The following TCF4 variants were observed in gnomAD, a reference collection of about 807,000 sequenced individuals.
TCF4 encodes SL3-3 enhancer factor 2.
In TCF4, 3 loss-of-function variants were observed where a neutral mutation model predicts 82.1. The observed-to-expected ratio is 0.04, with a 90% CI of 0.02 to 0.09. The LOEUF (loss-of-function observed/expected upper bound fraction) is 0.09. TCF4 is among the 10% of genes least tolerant of loss of function. The probability of loss-of-function intolerance (pLI) is 1.00; values close to 1 mark genes in which losing one functional copy is unlikely to be tolerated. For synonymous variants in TCF4, 276 were observed against 309.6 expected, an observed-to-expected ratio of 0.89 and a Z score of 1.14; for missense variants, 518 against 852.7, an observed-to-expected ratio of 0.61 and a Z score of 4.89.
At chr18:55,370,783 G>T (rs1035497417) in intron 6 of TCF4, among the ~76,000 whole-genome samples, 1 of 152,166 alleles carries the variant, frequency 6.6e-6, no homozygotes, top group African/African-American at 2.4e-5. Context: ...AACTAAAAAG[G>T]TGTGGGGGTG....
upstream of TCF4, chr18:55,589,482 A>G: frequency 9.5e-7 from 1 of 1,055,720 alleles, no homozygotes; most frequent in Non-Finnish European, 1.1e-6. Context: ...TGGTTTTTGC[A>G]TTTTCCACCA....
At chr18:55,272,713 C>A (rs150754526) in intron 10 of TCF4, among the ~76,000 whole-genome samples, 1 of 152,016 alleles carries the variant, frequency 6.6e-6, no homozygotes, top group Non-Finnish European at 1.5e-5. Context: ...GCTGTGGAGG[C>A]TCTCCCATAC....
intron 3 of TCF4, among the ~76,000 whole-genome samples, chr18:55,575,885 C>T (rs577352281): frequency 6.8e-4 from 104 of 152,248 alleles, no homozygotes; most frequent in Non-Finnish European, 1.1e-3. Context: ...GCTAAGATCA[C>T]GGTATCTCCG....
chr18:55,463,128 T>C (rs1189474915), intron 4 of TCF4, among the ~76,000 whole-genome samples: 1 of 152,162 alleles, frequency 6.6e-6, no homozygotes, highest in Non-Finnish European at 1.5e-5. Context: ...AAGGAAGACA[T>C]GCTGGTTTTA....
At chr18:55,350,249 T>A (rs977396567) in intron 8 of TCF4, 110 bp downstream of exon 8, 1 of 1,163,248 alleles carries the variant, frequency 8.6e-7, no homozygotes, top group African/African-American at 1.5e-5. Context: ...ACCTTCTAGA[T>A]AAACGTGCTG....
At chr18:55,456,548 C>T (rs901923681) in intron 5 of TCF4, among the ~76,000 whole-genome samples, 1 of 152,200 alleles carries the variant, frequency 6.6e-6, no homozygotes. Flanking sequence ...CTCAATCTAG[C>T]TTTCAATCGA....
chr18:55,557,784 C>T (rs77333968), intron 3 of TCF4, among the ~76,000 whole-genome samples: 1 of 152,176 alleles, frequency 6.6e-6, no homozygotes, highest in African/African-American at 2.4e-5. Context: ...TTTTTAAATG[C>T]AGATACAACA....
chr18:55,476,912 A>C (rs1186071091), intron 3 of TCF4, among the ~76,000 whole-genome samples: 6 of 152,162 alleles, frequency 3.9e-5, no homozygotes, highest in Admixed American at 3.9e-4. Flanking sequence ...TGGGCTTATA[A>C]ATGTGTGTGT....
intron 3 of TCF4, among the ~76,000 whole-genome samples, chr18:55,514,163 T>C (rs551231569): frequency 1.3e-5 from 2 of 152,256 alleles, no homozygotes; most frequent in Admixed American, 1.3e-4. Flanking sequence ...ATTTCTACTG[T>C]ATCTTTTCCC....
At chr18:55,513,611 C>T (rs1311820193) in intron 3 of TCF4, among the ~76,000 whole-genome samples, 3 of 151,988 alleles carry the variant, frequency 2.0e-5, no homozygotes, top group Non-Finnish European at 4.4e-5. Flanking sequence ...ACAAATGCAT[C>T]CTTCAGTTTG....
intron 6 of TCF4, chr18:55,351,704 T>C (rs1213309892): frequency 5.4e-6 from 2 of 372,734 alleles, no homozygotes; most frequent in Admixed American, 1.3e-4. Flanking sequence ...CAATAACCTA[T>C]CACAGTGTGA....
intron 5 of TCF4, among the ~76,000 whole-genome samples, chr18:55,416,875 T>A (rs968312731): frequency 6.6e-6 from 1 of 152,234 alleles, no homozygotes; most frequent in Non-Finnish European, 1.5e-5. Flanking sequence ...GGTCACTCTC[T>A]TAAGGGGAAT....
At chr18:55,489,500 G>A (rs1367112051) in intron 3 of TCF4, among the ~76,000 whole-genome samples, 2 of 151,968 alleles carry the variant, frequency 1.3e-5, no homozygotes, top group Admixed American at 6.6e-5. Flanking sequence ...CAAGAAAAGT[G>A]GACCCACAGT....
chr18:55,588,308 A>G (rs2097672666), upstream of TCF4: 1 of 1,450,668 alleles, frequency 6.9e-7, no homozygotes, highest in Non-Finnish European at 9.0e-7. Context: ...TTGCAAGTTC[A>G]GCAAAGAAAT....
chr18:55,229,653 G>A (rs1311535876), intron 17 of TCF4: 2 of 156,868 alleles, frequency 1.3e-5, no homozygotes, highest in African/African-American at 4.8e-5. Flanking sequence ...TGAAGACAGT[G>A]AGGCTTTTAT....
chr18:55,409,898 T>C (rs1465498755), intron 5 of TCF4, among the ~76,000 whole-genome samples: 2 of 152,202 alleles, frequency 1.3e-5, no homozygotes, highest in African/African-American at 4.8e-5. Flanking sequence ...GCTGACATTA[T>C]TCTTTCAATT....
At chr18:55,381,983 G>A (rs2091989081) in intron 6 of TCF4, among the ~76,000 whole-genome samples, 1 of 151,608 alleles carries the variant, frequency 6.6e-6, no homozygotes, top group African/African-American at 2.4e-5. Flanking sequence ...GACTAGGTGA[G>A]AATACTTCTG....
At chr18:55,631,418 G>A in intron 1 of TCF4, 2 of 1,541,484 alleles carry the variant, frequency 1.3e-6, no homozygotes, top group Non-Finnish European at 8.8e-7. Flanking sequence ...TGGTGGACAT[G>A]TTAGAATGAA....
chr18:55,441,477 C>G (rs1159272225), intron 5 of TCF4, among the ~76,000 whole-genome samples: 1 of 152,128 alleles, frequency 6.6e-6, no homozygotes, highest in Non-Finnish European at 1.5e-5. Context: ...TGATTATGTC[C>G]ATGTTCTGGC....
Sources: allele counts gnomAD v4.1 joint callset (sites outside exome capture counted in the v4.1 genomes callset), GRCh38; gene constraint gnomAD v4.1.1; transcripts MANE v1.5; gene names NCBI Gene and HGNC (gene_info 2026-07-23, HGNC 2026-07-21).